The following PRP4K variants were observed in gnomAD, a reference collection of about 807,000 sequenced individuals.
The protein encoded by PRP4K is pre-mRNA processing factor kinase PRP4K, also known as serine/threonine-protein kinase PRP4 homolog.
At chr6:4,052,071 T>C in the PRP4K span, 10 of 1,595,178 alleles carry the variant, frequency 6.3e-6, no homozygotes, top group Non-Finnish European at 8.5e-6. Context: ...AGCAGCATCT[T>C]TGTCTGGTAT....
the PRP4K span, chr6:4,037,532 C>T: frequency 6.2e-7 from 1 of 1,613,922 alleles, no homozygotes; most frequent in Admixed American, 1.7e-5. Context: ...TCAGACGTAG[C>T]AGGTCTCCAA....
the PRP4K span, chr6:4,056,239 CTT>C: frequency 1.0e-6 from 1 of 992,060 alleles, no homozygotes; most frequent in Non-Finnish European, 1.5e-6. Context: ...ATTAATAAAA[CTT>C]TTCAAAGCCA....
the PRP4K span, among the ~76,000 whole-genome samples, chr6:4,029,030 T>C: frequency 8.3e-6 from 1 of 120,536 alleles, no homozygotes; most frequent in Non-Finnish European, 1.7e-5. Context: ...TTTTTTTTTT[T>C]TTTAATGAGA....
the PRP4K span, chr6:4,060,619 A>G: frequency 1.9e-6 from 3 of 1,610,122 alleles, no homozygotes; most frequent in African/African-American, 4.0e-5. This position sits in a 1 kb window ranked among gnomAD's most constrained non-coding sequence, Gnocchi z 4.7. Flanking sequence ...AAATTTAAAC[A>G]AGATGAAGAA....
At chr6:4,028,144 A>G in the PRP4K span, among the ~76,000 whole-genome samples, 1 of 152,134 alleles carries the variant, frequency 6.6e-6, no homozygotes, top group African/African-American at 2.4e-5. Context: ...TTTTACTGAA[A>G]TCTATGTGAC....
At chr6:4,049,932 A>G in the PRP4K span, 1 of 1,550,334 alleles carries the variant, frequency 6.5e-7, no homozygotes, top group Non-Finnish European at 8.7e-7. Flanking sequence ...CTTACAGAAG[A>G]ACATATTTTT....
the PRP4K span, among the ~76,000 whole-genome samples, chr6:4,047,011 G>A: frequency 1.3e-3 from 194 of 152,282 alleles, no homozygotes; most frequent in African/African-American, 4.5e-3. Context: ...ATACCTTTAT[G>A]TATCATAAAT....
At chr6:4,056,114 T>G in the PRP4K span, among the ~76,000 whole-genome samples, 1 of 152,206 alleles carries the variant, frequency 6.6e-6, no homozygotes, top group East Asian at 1.9e-4. Context: ...TGAAAACAGT[T>G]TTTACTCATT....
chr6:4,033,123 AAACTCTT>A, the PRP4K span, among the ~76,000 whole-genome samples: 1 of 152,314 alleles, frequency 6.6e-6, no homozygotes, highest in South Asian at 2.1e-4. Context: ...GTGTAGGCTG[AAACTCTT>A]AACTTTGAAA....
chr6:4,052,753 TA>T, the PRP4K span: 1 of 1,600,642 alleles, frequency 6.2e-7, no homozygotes, highest in Non-Finnish European at 8.5e-7. Flanking sequence ...AAAAATATGG[TA>T]AAGATGTTGG....
At chr6:4,040,394 C>T in the PRP4K span, among the ~76,000 whole-genome samples, 410 of 152,306 alleles carry the variant, frequency 2.7e-3, 1 homozygote, top group African/African-American at 9.5e-3. Context: ...TCTCCCTTCA[C>T]TCCAGTGCCT....
the PRP4K span, chr6:4,049,758 A>G: frequency 6.2e-7 from 1 of 1,612,970 alleles, no homozygotes; most frequent in Non-Finnish European, 8.5e-7. Flanking sequence ...AGTCCTAGAT[A>G]AACGTTACAA....
chr6:4,040,741 A>G, the PRP4K span: 6 of 1,600,748 alleles, frequency 3.7e-6, no homozygotes, highest in Non-Finnish European at 4.3e-6. Context: ...CATTTAAAAA[A>G]ATGTATACCT....
the PRP4K span, among the ~76,000 whole-genome samples, chr6:4,041,404 A>T: frequency 6.6e-6 from 1 of 150,770 alleles, no homozygotes; most frequent in Non-Finnish European, 1.5e-5. Context: ...CTCTACAAAA[A>T]ATACAAAAAT....
chr6:4,032,866 A>G, the PRP4K span: 1 of 1,204,802 alleles, frequency 8.3e-7, no homozygotes, highest in Non-Finnish European at 1.1e-6. Context: ...ATAAAAATAA[A>G]TGAAGTAGTA....
At chr6:4,042,055 G>T in the PRP4K span, among the ~76,000 whole-genome samples, 1 of 152,208 alleles carries the variant, frequency 6.6e-6, no homozygotes, top group African/African-American at 2.4e-5. Flanking sequence ...ATTTGCATGT[G>T]CATTTTTGAT....
chr6:4,028,931 G>A, the PRP4K span, among the ~76,000 whole-genome samples: 1 of 151,442 alleles, frequency 6.6e-6, no homozygotes, highest in Non-Finnish European at 1.5e-5. Flanking sequence ...TGACTCCAGT[G>A]AACCTTTAAT....
the PRP4K span, chr6:4,044,133 G>A: frequency 1.1e-6 from 1 of 919,206 alleles, no homozygotes; most frequent in African/African-American, 1.7e-5. Flanking sequence ...GATTAGACAT[G>A]TTGCTTCTGC....
At chr6:4,046,459 G>T in the PRP4K span, among the ~76,000 whole-genome samples, 1 of 151,988 alleles carries the variant, frequency 6.6e-6, no homozygotes, top group Non-Finnish European at 1.5e-5. Flanking sequence ...TTTTAGCCAG[G>T]TTTTCTGTGG....
Sources: allele counts gnomAD v4.1 joint callset (sites outside exome capture counted in the v4.1 genomes callset), GRCh38; gene constraint gnomAD v4.1.1; non-coding constraint Gnocchi (gnomAD v3.1); transcripts MANE v1.5; gene names NCBI Gene and HGNC (gene_info 2026-07-23, HGNC 2026-07-21).